CSMD1: variants seen among roughly 807,000 people sequenced by gnomAD.
CSMD1 encodes CUB and sushi domain-containing protein 1.
A neutral mutation model predicts 417.5 loss-of-function variants in CSMD1; 213 were observed. The ratio of observed to expected loss-of-function variants is 0.51; its 90% CI spans 0.46 to 0.57. The LOEUF (loss-of-function observed/expected upper bound fraction) is 0.57, where lower values mean the gene tolerates loss of function less well. Ranked by LOEUF, CSMD1 falls within the 20% of genes least tolerant of loss-of-function variation. CSMD1 has a pLI of 0.00. For missense variants in CSMD1, 6,923 were observed against 4,529.7 expected, an observed-to-expected ratio of 1.53 and a Z score of -15.17; for synonymous variants, 2,862 against 1,736.8, an observed-to-expected ratio of 1.65 and a Z score of -16.11.
rs199718196 is a variant in CSMD1, at chr8:3,551,598, T to TATA, written c.1344+23346_1344+23347insTAT. 8.0e-4 allele frequency among the ~76,000 whole-genome samples: 78 copies of TATA among 97,788 alleles called. 1 individual carries two copies. The highest frequency in any genetic ancestry group is 4.4e-3 in the Admixed American group (43 of 9,746). The allele number at this position is 97,788 out of a possible 152,430, so 64.2% of individuals were successfully genotyped here. On this transcript the variant is annotated intron_variant, in intron 10 of 69. Transcript: ENST00000635120. ...AATATGTATATATATATATATATAT[T>TATA]TTTTTTTTTTTTTTTTCTGAAGATA...
chr8:3,884,403 G>A (rs1471290509), intron 5 of CSMD1, among the ~76,000 whole-genome samples: 1 of 151,932 alleles, frequency 6.6e-6, no homozygotes, highest in African/African-American at 2.4e-5. Context: ...GCATCTTCTA[G>A]CACAAATCTT....
chr8:4,980,874 A>G (rs1317399575), intron 1 of CSMD1, among the ~76,000 whole-genome samples: 3 of 152,110 alleles, frequency 2.0e-5, no homozygotes, highest in Admixed American at 1.3e-4. Context: ...ACTGCACTCC[A>G]GCCTGGGTGA....
rs149131862 is a variant in CSMD1 at position 3,417,231 on chromosome 8, G to T, written c.1562-7626C>A. Among the ~76,000 whole-genome samples, 277 of 152,282 alleles carry T rather than the reference G, an allele frequency of 1.8e-3. 1 individual carries two copies. The highest frequency in any genetic ancestry group is 6.2e-3 in the African/African-American group (259 of 41,562). ...TACTATGATGATGTTCCATAAATAA[G>T]AGGGACCTTTAAATTCCATACGGTT... On this transcript the variant is annotated intron_variant, in intron 12 of 69. Transcript: ENST00000635120.
intron 26 of CSMD1, among the ~76,000 whole-genome samples, chr8:3,258,421 A>G (rs373318648): frequency 6.6e-5 from 10 of 152,228 alleles, no homozygotes; most frequent in Non-Finnish European, 1.0e-4. Flanking sequence ...TACAATGGCT[A>G]TTACTGAAAA....
chr8:4,892,965 A>G (rs932733078), intron 1 of CSMD1, among the ~76,000 whole-genome samples: 10 of 152,256 alleles, frequency 6.6e-5, no homozygotes, highest in African/African-American at 2.4e-4. Context: ...GCATATTGTG[A>G]AAGATTTCCA....
At chr8:3,709,691 T>TGTTTGTTTG (rs1192751481) in intron 6 of CSMD1, among the ~76,000 whole-genome samples, 5 of 119,578 alleles carry the variant, frequency 4.2e-5, no homozygotes, top group African/African-American at 1.5e-4. Context: ...TTTTTTTTTT[T>TGTTTGTTTG]TTTTTTTTTT....
chr8:3,986,484 C>T (rs538410682), intron 5 of CSMD1, among the ~76,000 whole-genome samples: 20 of 152,250 alleles, frequency 1.3e-4, no homozygotes, highest in Middle Eastern at 3.4e-3. Flanking sequence ...CAACTGACTT[C>T]CCTGGCTACC....
intron 3 of CSMD1, among the ~76,000 whole-genome samples, chr8:4,100,896 T>C (rs1310703411): frequency 6.6e-6 from 1 of 152,044 alleles, no homozygotes; most frequent in Non-Finnish European, 1.5e-5. Flanking sequence ...ATACAAGAAA[T>C]AAAGAACAGA....
intron 1 of CSMD1, among the ~76,000 whole-genome samples, chr8:4,897,987 T>C (rs1047984938): frequency 2.6e-5 from 4 of 152,142 alleles, no homozygotes; most frequent in Non-Finnish European, 5.9e-5. Context: ...CCGGGCTACT[T>C]TCTTTTAGCT....
intron 23 of CSMD1, among the ~76,000 whole-genome samples, chr8:3,331,293 G>C (rs1806879583): frequency 6.6e-6 from 1 of 152,012 alleles, no homozygotes; most frequent in Non-Finnish European, 1.5e-5. Flanking sequence ...TTCAGACTGA[G>C]GGAGCAACTA....
intron 33 of CSMD1, among the ~76,000 whole-genome samples, 154 bp from the exon 34 acceptor site, chr8:3,190,269 C>T (rs112609083): frequency 3.0e-5 from 3 of 100,604 alleles, no homozygotes; most frequent in African/African-American, 1.2e-4. Flanking sequence ...TGATTTGAGG[C>T]GCTGGGACCA....
At chr8:3,882,042 A>G (rs898536353) in intron 5 of CSMD1, among the ~76,000 whole-genome samples, 1 of 152,198 alleles carries the variant, frequency 6.6e-6, no homozygotes, top group Admixed American at 6.5e-5. Context: ...AAAAGGTATT[A>G]ACAATAAAAG....
chr8:4,514,626 A>T (rs1803016840), intron 2 of CSMD1, among the ~76,000 whole-genome samples: 1 of 152,190 alleles, frequency 6.6e-6, no homozygotes, highest in Admixed American at 6.5e-5. Flanking sequence ...TAAAGTTTTT[A>T]TAAAAGCAAC....
chr8:3,535,752 G>T (rs935007499), intron 10 of CSMD1, among the ~76,000 whole-genome samples: 1 of 152,094 alleles, frequency 6.6e-6, no homozygotes, highest in Non-Finnish European at 1.5e-5. Context: ...CAATTATGTA[G>T]TGCTTGGCAG....
intron 1 of CSMD1, among the ~76,000 whole-genome samples, chr8:4,741,535 T>C (rs1356691545): frequency 1.3e-5 from 2 of 152,154 alleles, no homozygotes; most frequent in African/African-American, 2.4e-5. Flanking sequence ...TAATTGCATG[T>C]TTTGAATAAT....
intron 5 of CSMD1, among the ~76,000 whole-genome samples, chr8:3,766,160 CT>C (rs1306632473): frequency 3.9e-5 from 6 of 152,128 alleles, no homozygotes. Flanking sequence ...TGGGTGTGTA[CT>C]TTGGGCCTCC....
chr8:2,966,623 G>C lies in CSMD1; in HGVS notation c.9047C>G (p.Thr3016Arg), dbSNP rs1426047220. The change falls in exon 58 of 70, where the codon ACA becomes AGA. Residue 3016 changes from threonine (T) to arginine (R), a missense_variant. Physicochemically the swap from Thr to Arg is moderately conservative, Grantham distance 71 (BLOSUM62 -1). Transcript: ENST00000635120. ...WEGYKTSGLMTRHCTANGTWT... is the reference protein window; with the variant it reads ...WEGYKTSGLMRRHCTANGTWT... ...GGTCCCATTGGCTGTGCAATGCCGT[G>C]TCATGAGCCCTGAGGTCTTGTAGCC... 1 of 1,613,780 alleles carries C rather than the reference G, an allele frequency of 6.2e-7. No homozygotes were observed. Among genetic ancestry groups the C allele is most frequent in the East Asian group, 2.2e-5 (1 of 44,844 alleles).
chr8:4,007,295 A>C (rs996054942), intron 4 of CSMD1, among the ~76,000 whole-genome samples: 7 of 152,172 alleles, frequency 4.6e-5, no homozygotes, highest in African/African-American at 1.7e-4. Flanking sequence ...TGTGAGCTGG[A>C]ATGTTGGCTT....
At chr8:3,528,140 G>A (rs1322567645) in intron 10 of CSMD1, among the ~76,000 whole-genome samples, 1 of 152,216 alleles carries the variant, frequency 6.6e-6, no homozygotes, top group Non-Finnish European at 1.5e-5. Context: ...TACAAAGGGA[G>A]CTGACATAGA....
Sources: gnomAD v4.1 joint callset for allele counts (sites outside exome capture counted in the v4.1 genomes callset) on GRCh38, gnomAD v4.1.1 for gene constraint, MANE v1.5 for transcripts, NCBI Gene and HGNC (gene_info 2026-07-23, HGNC 2026-07-21) for gene names.